The following PLD5 variants were observed in gnomAD, a reference collection of about 807,000 sequenced individuals.
PLD5 encodes the protein inactive phospholipase D5.
A neutral mutation model predicts 61.1 loss-of-function variants in PLD5; 36 were observed. The ratio of observed to expected loss-of-function variants is 0.59; its 90% confidence interval spans 0.45 to 0.78. PLD5 has a LOEUF of 0.78. Ranked by LOEUF, PLD5 falls within the 30% of genes least tolerant of loss-of-function variation. PLD5 has a pLI of 0.00. For missense variants in PLD5, 515 were observed against 644.4 expected, an observed-to-expected ratio of 0.80 and a Z score of 2.17; for synonymous variants, 243 against 242.8, an observed-to-expected ratio of 1.00 and a Z score of -0.01.
At chr1:242,408,550 G>C (rs577413377) in intron 1 of PLD5, among the ~76,000 whole-genome samples, 15 of 152,206 alleles carry the variant, frequency 9.9e-5, no homozygotes, top group Middle Eastern at 6.8e-3. Context: ...TTGCTCTCTC[G>C]TTCCTGCTCT....
At chr1:242,459,744 G>A (rs1008237233) in intron 1 of PLD5, among the ~76,000 whole-genome samples, 2 of 152,166 alleles carry the variant, frequency 1.3e-5, no homozygotes, top group African/African-American at 2.4e-5. Context: ...GAGTGGAAGT[G>A]CAGTCAGGGA....
intron 6 of PLD5, 182 bp downstream of exon 6, chr1:242,124,286 A>G (rs1185130604): frequency 1.8e-5 from 10 of 565,372 alleles, no homozygotes; most frequent in Non-Finnish European, 2.8e-5. Context: ...GATGATCAAG[A>G]TTTATTATAT....
intron 5 of PLD5, chr1:242,210,542 T>C (rs1460967064): frequency 6.5e-6 from 1 of 153,000 alleles, no homozygotes; most frequent in Non-Finnish European, 1.5e-5. Flanking sequence ...TTGCCTTAAC[T>C]GATGACATTA....
intron 2 of PLD5, among the ~76,000 whole-genome samples, chr1:242,305,800 C>A (rs1021691511): frequency 6.6e-6 from 1 of 152,138 alleles, no homozygotes; most frequent in African/African-American, 2.4e-5. Context: ...GATCTCATGA[C>A]CCGCCCGCCT....
chr1:242,343,857 A>G (rs1857147), intron 2 of PLD5, among the ~76,000 whole-genome samples: 133,474 of 151,838 alleles, frequency 0.88, 59,171 homozygotes, highest in Non-Finnish European at 0.94. Context: ...TCTGGCAAAT[A>G]GATGGGAGGA....
intron 5 of PLD5, among the ~76,000 whole-genome samples, chr1:242,177,020 T>C (rs1017268543): frequency 1.3e-5 from 2 of 152,172 alleles, no homozygotes; most frequent in Non-Finnish European, 2.9e-5. Flanking sequence ...AGTGTGGCAA[T>C]TCCTCAAGGA....
intron 1 of PLD5, among the ~76,000 whole-genome samples, chr1:242,516,267 T>C (rs943668683): frequency 8.2e-6 from 1 of 121,594 alleles, no homozygotes; most frequent in Admixed American, 8.8e-5. Context: ...TATATATATA[T>C]ATATATATAT....
At chr1:242,410,858 A>G (rs1664509154) in intron 1 of PLD5, among the ~76,000 whole-genome samples, 1 of 151,028 alleles carries the variant, frequency 6.6e-6, no homozygotes, top group Non-Finnish European at 1.5e-5. Context: ...TTAGGTGATC[A>G]AGCACTACCC....
chr1:242,124,538 TAG>T lies in PLD5; in HGVS notation c.861_862del (p.Tyr288TrpfsTer4). The T allele has an allele frequency of 6.2e-7, 1 of 1,614,172 alleles. No homozygotes were observed. Among genetic ancestry groups the T allele is most frequent in the South Asian group, 1.1e-5 (1 of 91,086 alleles). On this transcript the variant is annotated frameshift_variant, in exon 6 of 10. Coordinates refer to ENST00000536534, the MANE Select transcript of PLD5 (RefSeq NM_001372062.1). LOFTEE classifies it high-confidence loss of function. The stretch of plus-strand genomic sequence containing the variant: ...TTTCTTTTCATTGTCATAGACTCCA[TAG>T]AGTCTTTTGGACCAGGTTTGAGGCA...
intron 5 of PLD5, among the ~76,000 whole-genome samples, chr1:242,151,000 T>G (rs948571953): frequency 4.6e-5 from 7 of 151,768 alleles, no homozygotes; most frequent in Non-Finnish European, 1.0e-4. Context: ...TGCCCTAGAC[T>G]TTACAATATA....
At chr1:242,445,086 C>A (rs551486556) in intron 1 of PLD5, among the ~76,000 whole-genome samples, 1 of 152,242 alleles carries the variant, frequency 6.6e-6, no homozygotes, top group African/African-American at 2.4e-5. Flanking sequence ...ATTTGTTGAA[C>A]CCTAATCCCC....
chr1:242,323,146 T>C (rs1022531802), intron 2 of PLD5, among the ~76,000 whole-genome samples: 1 of 152,116 alleles, frequency 6.6e-6, no homozygotes, highest in African/African-American at 2.4e-5. Flanking sequence ...TGCTTTATTC[T>C]TTAATTAAAA....
At chr1:242,463,620 A>G (rs191395872) in intron 1 of PLD5, among the ~76,000 whole-genome samples, 180 of 152,186 alleles carry the variant, frequency 1.2e-3, no homozygotes, top group African/African-American at 4.2e-3. Context: ...ACTTTCCAGC[A>G]TCTGAGTAAG....
Position 242,089,240 on chromosome 1 carries a change from G to T in PLD5, c.*614C>A. On this transcript the variant is annotated 3_prime_UTR_variant, in exon 10 of 10. Transcript: ENST00000536534. Reference sequence around the variant, plus strand: ...TAATGTTGAGGTGAATACAGAAAATGCTATATAATAGGAACATTTTGTGAG... The same window carrying T: ...TAATGTTGAGGTGAATACAGAAAATTCTATATAATAGGAACATTTTGTGAG... The T allele has an allele frequency of 2.5e-6, 1 of 398,524 alleles. No individual in the cohort carries two copies. The allele number at this position is 398,524 out of a possible 1,614,324, so 24.7% of individuals were successfully genotyped here. A position where few individuals can be genotyped will look rare whatever the true frequency, so the allele number is the denominator to read the frequency against.
chr1:242,519,231 CATTACATA>C lies in PLD5; in HGVS notation c.189+4849_189+4856del, dbSNP rs1301301346. Among the ~76,000 whole-genome samples, 42 of 152,280 alleles carry C rather than the reference CATTACATA, an allele frequency of 2.8e-4. No individual in the cohort carries two copies. The East Asian group carries it at 8.1e-3, about 29-fold the overall frequency. ...GATCTGCTCCGTGGGACAAAAATGACATTACATAATATGAGCCTAGACCGCTGTGACCA... is the reference window on the plus strand; with the variant it reads ...GATCTGCTCCGTGGGACAAAAATGACATATGAGCCTAGACCGCTGTGACCA... On this transcript the variant is annotated intron_variant, in intron 1 of 9. Transcript: ENST00000536534.
chr1:242,152,375 C>T (rs1057174507), intron 5 of PLD5, among the ~76,000 whole-genome samples: 10 of 152,086 alleles, frequency 6.6e-5, no homozygotes, highest in African/African-American at 1.9e-4. Flanking sequence ...TCTTATTACA[C>T]TTTAAGTTCT....
intron 4 of PLD5, among the ~76,000 whole-genome samples, chr1:242,249,736 AC>A (rs1672596802): frequency 6.6e-6 from 1 of 152,238 alleles, no homozygotes; most frequent in Non-Finnish European, 1.5e-5. Flanking sequence ...GTAGAAAAAA[AC>A]ATTCAAAATG....
chr1:242,360,863 A>C (rs1274147260), intron 1 of PLD5, among the ~76,000 whole-genome samples: 2 of 152,288 alleles, frequency 1.3e-5, no homozygotes, highest in East Asian at 3.9e-4. Flanking sequence ...AACAAACAAA[A>C]AGCTTTCAGC....
intron 2 of PLD5, among the ~76,000 whole-genome samples, chr1:242,325,372 T>G (rs202185332): frequency 2.6e-5 from 2 of 76,652 alleles, no homozygotes; most frequent in Admixed American, 1.7e-4. Flanking sequence ...TATATATATA[T>G]AGGGAGAGAG....
Sources: gnomAD v4.1 joint callset for allele counts (sites outside exome capture counted in the v4.1 genomes callset) on GRCh38, gnomAD v4.1.1 for gene constraint, MANE v1.5 for transcripts, NCBI Gene and HGNC (gene_info 2026-07-23, HGNC 2026-07-21) for gene names.